The following MYO5B variants were observed in gnomAD, a reference collection of about 807,000 sequenced individuals.
MYO5B encodes the protein unconventional myosin-Vb.
MYO5B carries 143 observed loss-of-function variants against 229.3 expected under a neutral mutation model. That is an observed-to-expected ratio of 0.62 (90% CI 0.54 to 0.72). MYO5B has a LOEUF of 0.72. Among genes scored for constraint, MYO5B ranks in the 30% least tolerant of loss-of-function variants. MYO5B has a pLI of 0.00. For missense variants in MYO5B, 2,321 were observed against 2,331.0 expected, an observed-to-expected ratio of 1.00 and a Z score of 0.09; for synonymous variants, 918 against 885.2, an observed-to-expected ratio of 1.04 and a Z score of -0.66.
At chr18:50,049,997 C>T (rs955826531) in intron 2 of MYO5B, among the ~76,000 whole-genome samples, 15 of 151,990 alleles carry the variant, frequency 9.9e-5, no homozygotes, top group Non-Finnish European at 1.9e-4. Flanking sequence ...TTTTTTTTTA[C>T]ACTTTGACTC....
At chr18:50,113,251 C>T (rs1397860416) in intron 1 of MYO5B, among the ~76,000 whole-genome samples, 1 of 152,192 alleles carries the variant, frequency 6.6e-6, no homozygotes, top group Non-Finnish European at 1.5e-5. Context: ...AAAAGGCTTC[C>T]CTGCCCTCAG....
chr18:49,843,199 T>G (rs1276527359), intron 34 of MYO5B, 42 bp downstream of exon 34: 2 of 1,611,890 alleles, frequency 1.2e-6, no homozygotes, highest in East Asian at 2.2e-5. Context: ...CTGGCTTCAC[T>G]CTACCCACCA....
At chr18:49,878,805 C>T (rs2024554486) in intron 24 of MYO5B, 140 bp downstream of exon 24, 2 of 1,049,212 alleles carry the variant, frequency 1.9e-6, no homozygotes, top group Admixed American at 3.9e-5. Context: ...CTTTGCCTCT[C>T]TGCAGTAATG....
At chr18:49,898,182 C>T (rs576348483) in intron 21 of MYO5B, among the ~76,000 whole-genome samples, 36 of 152,252 alleles carry the variant, frequency 2.4e-4, no homozygotes, top group African/African-American at 6.5e-4. Flanking sequence ...ACTCACCTAA[C>T]GATGCATTTC....
chr18:49,960,057 C>G (rs1245023703), intron 12 of MYO5B, among the ~76,000 whole-genome samples: 1 of 152,082 alleles, frequency 6.6e-6, no homozygotes, highest in African/African-American at 2.4e-5. Context: ...CAGTCACAGG[C>G]CCTGGGGAGT....
intron 10 of MYO5B, among the ~76,000 whole-genome samples, chr18:49,966,177 C>T (rs2025623424): frequency 2.6e-5 from 4 of 152,146 alleles, no homozygotes; most frequent in Admixed American, 2.0e-4. Flanking sequence ...CATCAGGCTT[C>T]TCCCACCCTG....
intron 1 of MYO5B, among the ~76,000 whole-genome samples, chr18:50,118,222 A>C (rs1343545453): frequency 6.6e-6 from 1 of 152,198 alleles, no homozygotes; most frequent in Admixed American, 6.5e-5. Context: ...TGGCTCAGCA[A>C]CAAAAGGCTG....
rs145915887 is a variant in MYO5B, at chr18:50,034,666, C to T, written c.455+2184G>A. On this transcript the variant is annotated intron_variant, in intron 4 of 39. Coordinates refer to ENST00000285039, the MANE Select transcript of MYO5B (RefSeq NM_001080467.3). ...GGCTGAGGCAGGAGAATCACTTGAACCTGGGGGGCGGAGGTTGCAGTGAGC... is the reference window on the plus strand; with the variant it reads ...GGCTGAGGCAGGAGAATCACTTGAATCTGGGGGGCGGAGGTTGCAGTGAGC... 1.2e-3 allele frequency among the ~76,000 whole-genome samples: 185 copies of T among 152,248 alleles called. 2 individuals carry two copies. Among genetic ancestry groups the T allele is most frequent in the African/African-American group, 4.3e-3 (177 of 41,536 alleles).
Position 49,976,081 on chromosome 18 carries a change from T to C in MYO5B, c.1057-1466A>G, listed in dbSNP as rs559178587. On this transcript the variant is annotated intron_variant, in intron 9 of 39. Transcript: ENST00000285039. ...TTTCATTCCCTCAACTGAATCCACC[T>C]GGGAAAGCTGGTAGCCCAGGCTCAA... Among the ~76,000 whole-genome samples, 26 of 152,342 alleles carry C rather than the reference T, an allele frequency of 1.7e-4. No individual in the cohort carries two copies. In the South Asian group the frequency reaches 4.6e-3, roughly 27 times the overall value.
chr18:49,992,154 A>G, intron 6 of MYO5B, 134 bp downstream of exon 6: 1 of 1,274,056 alleles, frequency 7.8e-7, no homozygotes, highest in Non-Finnish European at 1.1e-6. Context: ...AAAGATAAGA[A>G]CCAAAAGAAC....
chr18:50,060,037 A>C (rs1374929422), intron 1 of MYO5B, among the ~76,000 whole-genome samples: 1 of 152,188 alleles, frequency 6.6e-6, no homozygotes, highest in Non-Finnish European at 1.5e-5. Context: ...TGGAGACAGA[A>C]AGGATTCGGA....
rs1598877089 is a variant in MYO5B at position 49,911,965 on chromosome 18, G to C, written c.2202+97C>G. The C allele has an allele frequency of 5.5e-6, 5 of 909,996 alleles. No homozygotes were observed. In the East Asian group the frequency reaches 1.2e-4, roughly 22 times the overall value. The allele number at this position is 909,996 out of a possible 1,614,324, so 56.4% of individuals were successfully genotyped here. ...TCCCAGAAATAGATTCAGTAAGAAGGATGAAGACCAAAAAAAAAATGTAGA... is the reference window on the plus strand; with the variant it reads ...TCCCAGAAATAGATTCAGTAAGAAGCATGAAGACCAAAAAAAAAATGTAGA... On this transcript the variant is annotated intron_variant, in intron 18 of 39. Transcript: ENST00000285039.
intron 17 of MYO5B, among the ~76,000 whole-genome samples, chr18:49,913,703 G>C (rs1196346844): frequency 6.6e-6 from 1 of 152,110 alleles, no homozygotes; most frequent in African/African-American, 2.4e-5. Flanking sequence ...CCCTAAATGA[G>C]GATGGGCATT....
At chr18:49,990,218 C>T (rs560136905) in intron 7 of MYO5B, among the ~76,000 whole-genome samples, 2 of 152,346 alleles carry the variant, frequency 1.3e-5, no homozygotes, top group Admixed American at 1.3e-4. Flanking sequence ...ACCCCTGCCT[C>T]TTATCCTCTC....
chr18:50,077,175 A>T (rs1352087835), intron 1 of MYO5B, among the ~76,000 whole-genome samples: 4 of 149,166 alleles, frequency 2.7e-5, no homozygotes, highest in African/African-American at 9.8e-5. Context: ...AAGTAAAAAA[A>T]AAAAAAAAAA....
At chr18:50,089,037 G>A (rs2031390661) in intron 1 of MYO5B, among the ~76,000 whole-genome samples, 1 of 152,188 alleles carries the variant, frequency 6.6e-6, no homozygotes, top group African/African-American at 2.4e-5. Flanking sequence ...TGGAAAGCAA[G>A]TCAGTTTCCT....
chr18:49,950,475 TATAC>T (rs143905451), intron 14 of MYO5B, among the ~76,000 whole-genome samples: 416 of 152,312 alleles, frequency 2.7e-3, no homozygotes, highest in Non-Finnish European at 5.0e-3. Flanking sequence ...TATGCAAAGA[TATAC>T]ATAAAGGATA....
intron 5 of MYO5B, among the ~76,000 whole-genome samples, chr18:49,993,114 A>G (rs1369654281): frequency 6.6e-6 from 1 of 152,156 alleles, no homozygotes; most frequent in Non-Finnish European, 1.5e-5. Flanking sequence ...GACTAATTTT[A>G]TCGTGTGAAG....
chr18:49,953,466 T>C (rs1379166925), intron 13 of MYO5B, 123 bp from the exon 14 acceptor site: 1 of 798,202 alleles, frequency 1.3e-6, no homozygotes, highest in Non-Finnish European at 2.2e-6. Context: ...AACCCACAGA[T>C]GTTTCCACTT....
Sources: gnomAD v4.1 joint callset for allele counts (sites outside exome capture counted in the v4.1 genomes callset) on GRCh38, gnomAD v4.1.1 for gene constraint, MANE v1.5 for transcripts, NCBI Gene and HGNC (gene_info 2026-07-23, HGNC 2026-07-21) for gene names.